MAST2: variants seen among roughly 807,000 people sequenced by gnomAD.
The protein encoded by MAST2 is microtubule associated serine/threonine kinase 2, also known as microtubule-associated serine/threonine-protein kinase 2.
A neutral mutation model predicts 147.4 loss-of-function variants in MAST2; 70 were observed. The ratio of observed to expected loss-of-function variants is 0.47; its 90% confidence interval spans 0.39 to 0.58. The LOEUF is 0.58. MAST2 is among the 20% of genes least tolerant of loss of function. The probability of loss-of-function intolerance (pLI) is 0.00; values close to 1 mark genes in which losing one functional copy is unlikely to be tolerated. For synonymous variants in MAST2, 869 were observed against 896.8 expected (o/e 0.97, Z 0.55); for missense variants, 2,080 against 2,302.3 (o/e 0.90, Z 1.98).
chr1:46,023,110 C>T lies in MAST2; in HGVS notation c.1486-123C>T. 1 of 1,183,744 alleles carries T rather than the reference C, an allele frequency of 8.4e-7. No homozygotes were observed. The allele number at this position is 1,183,744 out of a possible 1,614,324, so 73.3% of individuals were successfully genotyped here. A position where few individuals can be genotyped will look rare whatever the true frequency, so the allele number is the denominator to read the frequency against. On this transcript the variant is annotated intron_variant, in intron 13 of 28. Coordinates refer to ENST00000361297, the MANE Select transcript of MAST2 (RefSeq NM_015112.3). This position sits in a 1 kb window ranked among gnomAD's most constrained non-coding sequence, Gnocchi z 4.9. ...AAACACTGAGAAGTCATTCTACTCC[C>T]AGAAGAATGAGCAGGAGACTGCACT...
At chr1:45,958,906 C>G (rs185383660) in intron 4 of MAST2, among the ~76,000 whole-genome samples, 1 of 152,274 alleles carries the variant, frequency 6.6e-6, no homozygotes, top group East Asian at 1.9e-4. Flanking sequence ...CAGGGCTGTT[C>G]TGACATTTAT....
chr1:45,999,763 C>A (rs536325883), intron 6 of MAST2, among the ~76,000 whole-genome samples: 7 of 152,314 alleles, frequency 4.6e-5, no homozygotes, highest in Admixed American at 2.0e-4. Context: ...TCTAAAGGGG[C>A]CTTCTTGTCT....
intron 4 of MAST2, among the ~76,000 whole-genome samples, chr1:45,914,548 A>G (rs547886140): frequency 8.5e-5 from 13 of 152,312 alleles, no homozygotes; most frequent in African/African-American, 1.7e-4. Context: ...TTTCACCTCA[A>G]TTATCTGTCT....
At chr1:45,989,706 T>C (rs1644786309) in intron 5 of MAST2, among the ~76,000 whole-genome samples, 1 of 151,654 alleles carries the variant, frequency 6.6e-6, no homozygotes, top group Non-Finnish European at 1.5e-5. Context: ...GTAGATTTAT[T>C]TCCCTAAAAT....
chr1:46,011,032 A>C, intron 10 of MAST2, 93 bp downstream of exon 10: 20 of 1,084,122 alleles, frequency 1.8e-5, no homozygotes, highest in Non-Finnish European at 2.3e-5. Context: ...TGGTATTCTC[A>C]GTCTTCACAG....
chr1:45,839,849 T>C lies in MAST2; in HGVS notation c.468+10268T>C, dbSNP rs1645219336. Among the ~76,000 whole-genome samples the C allele has an allele frequency of 2.0e-5, 3 of 152,180 alleles. No homozygotes were observed. The South Asian group carries it at 6.2e-4, about 32-fold the overall frequency. ...AGATATATAGATCACTGGAACCAAATAGACAAATTTGCCAAGGCAATTTAA... is the reference window on the plus strand; with the variant it reads ...AGATATATAGATCACTGGAACCAAACAGACAAATTTGCCAAGGCAATTTAA... On this transcript the variant is annotated intron_variant, in intron 3 of 28. Transcript: ENST00000361297.
chr1:45,851,923 T>A (rs1185742857), intron 3 of MAST2, among the ~76,000 whole-genome samples: 1 of 152,118 alleles, frequency 6.6e-6, no homozygotes, highest in Non-Finnish European at 1.5e-5. Flanking sequence ...TATAGGGAGA[T>A]ACTAAAATGA....
chr1:45,927,076 A>C (rs1031280900), intron 4 of MAST2, among the ~76,000 whole-genome samples: 1 of 152,200 alleles, frequency 6.6e-6, no homozygotes, highest in African/African-American at 2.4e-5. Flanking sequence ...GATGCCCCAC[A>C]AGCCACAAAA....
chr1:45,815,184 CTTT>C (rs36054374), intron 1 of MAST2, among the ~76,000 whole-genome samples: 1 of 139,868 alleles, frequency 7.1e-6, no homozygotes. Context: ...GTCAGATCTT[CTTT>C]TTTTTTTTTT....
At chr1:45,857,315 C>T (rs184115155) in intron 3 of MAST2, among the ~76,000 whole-genome samples, 1 of 152,058 alleles carries the variant, frequency 6.6e-6, no homozygotes, top group South Asian at 2.1e-4. Context: ...AATCATAAGC[C>T]TATGTAAATG....
intron 4 of MAST2, among the ~76,000 whole-genome samples, chr1:45,896,159 C>G (rs1448439820): frequency 6.6e-6 from 1 of 151,686 alleles, no homozygotes; most frequent in East Asian, 1.9e-4. Context: ...TCCCGAGTAG[C>G]TGGGACTACA....
At chr1:46,006,578 T>C (rs1448474180) in intron 8 of MAST2, 183 bp downstream of exon 8, 1 of 429,290 alleles carries the variant, frequency 2.3e-6, no homozygotes, top group Non-Finnish European at 3.9e-6. Context: ...CCACAAATAA[T>C]ATATAAACTT....
At chr1:45,842,426 GCCTGTTACTTTAGATTTAAA>G (rs1645306643) in intron 3 of MAST2, among the ~76,000 whole-genome samples, 1 of 152,050 alleles carries the variant, frequency 6.6e-6, no homozygotes, top group African/African-American at 2.4e-5. Context: ...TGCAAAACCT[GCCTGTTACTTTAGATTTAAA>G]CCTCTTATCC....
At chr1:45,940,625 T>A (rs1011797885) in intron 4 of MAST2, among the ~76,000 whole-genome samples, 15 of 151,670 alleles carry the variant, frequency 9.9e-5, no homozygotes, top group Admixed American at 1.3e-4. Flanking sequence ...TTGAGGATTT[T>A]TTTTTTTTTT....
intron 3 of MAST2, among the ~76,000 whole-genome samples, chr1:45,861,622 T>C (rs904842097): frequency 2.0e-5 from 3 of 151,912 alleles, no homozygotes; most frequent in African/African-American, 4.8e-5. Flanking sequence ...ATGCTCTCAA[T>C]CCCCTTCCTT....
At chr1:45,943,668 C>T (rs976034889) in intron 4 of MAST2, among the ~76,000 whole-genome samples, 3 of 152,112 alleles carry the variant, frequency 2.0e-5, no homozygotes, top group Admixed American at 1.3e-4. Flanking sequence ...ATCGCTTGAA[C>T]CCGGGAGGCA....
intron 3 of MAST2, among the ~76,000 whole-genome samples, chr1:45,849,033 C>G (rs942751251): frequency 1.3e-5 from 2 of 152,038 alleles, no homozygotes; most frequent in African/African-American, 4.8e-5. Flanking sequence ...CAGGGAGGTG[C>G]AAGATTTCTA....
chr1:46,004,312 C>T (rs1056082770), intron 7 of MAST2, among the ~76,000 whole-genome samples: 17 of 146,006 alleles, frequency 1.2e-4, no homozygotes, highest in Admixed American at 7.0e-5. Context: ...TGCCATGAGC[C>T]GAGATCACAC....
chr1:45,872,419 G>A (rs1471855108), intron 3 of MAST2, among the ~76,000 whole-genome samples: 1 of 151,574 alleles, frequency 6.6e-6, no homozygotes, highest in Non-Finnish European at 1.5e-5. Flanking sequence ...TTTAGTCATT[G>A]TGAATAATGA....
Sources: allele counts gnomAD v4.1 joint callset (sites outside exome capture counted in the v4.1 genomes callset), GRCh38; gene constraint gnomAD v4.1.1; non-coding constraint Gnocchi (gnomAD v3.1); transcripts MANE v1.5; gene names NCBI Gene and HGNC (gene_info 2026-07-23, HGNC 2026-07-21).